Variants in NRAP observed in about 807,000 individuals in gnomAD.
NRAP encodes the protein nebulin-related-anchoring protein.
NRAP carries 189 observed loss-of-function variants against 225.9 expected under a neutral mutation model. The observed-to-expected ratio is 0.84, with a 90% CI of 0.74 to 0.94. The LOEUF (loss-of-function observed/expected upper bound fraction) is 0.94. NRAP is among the 40% of genes least tolerant of loss of function. The pLI, the probability that NRAP is intolerant of heterozygous loss-of-function variation, is 0.00. For missense variants in NRAP, 2,176 were observed against 2,168.7 expected (o/e 1.00, Z -0.07); for synonymous variants, 769 against 790.7 (o/e 0.97, Z 0.46).
At position 113,624,862 on chromosome 10, in the gene NRAP, G is replaced by C; in HGVS notation, c.2313C>G (p.Phe771Leu). 1.9e-6 allele frequency: 3 copies of C among 1,614,126 alleles called. No individual in the cohort carries two copies. The highest frequency in any genetic ancestry group is 2.5e-6 in the Non-Finnish European group (3 of 1,179,952). Reference protein sequence around the residue: ...QYTISKDEPLFLQARANAANL... With the variant: ...QYTISKDEPLLLQARANAANL... Reference sequence around the variant, plus strand: ...TTGCAGCATTGGCTCGGGCCTGCAGGAAGAGAGGCTCGTCTTTGCTGATGG... The same window carrying C: ...TTGCAGCATTGGCTCGGGCCTGCAGCAAGAGAGGCTCGTCTTTGCTGATGG... The change falls in exon 22 of 42, where the codon TTC becomes TTG. Residue 771 changes from phenylalanine (F) to leucine (L), a missense_variant. Coordinates refer to ENST00000359988, the MANE Select transcript of NRAP (RefSeq NM_198060.4).
chr10:113,591,837 A>C (rs1846012259), intron 39 of NRAP, among the ~76,000 whole-genome samples: 1 of 152,214 alleles, frequency 6.6e-6, no homozygotes, highest in Admixed American at 6.5e-5. Context: ...ATCTAGGGCA[A>C]AAGCCCTATC....
intron 16 of NRAP, among the ~76,000 whole-genome samples, chr10:113,632,264 CA>C (rs1848620945): frequency 1.3e-5 from 2 of 152,172 alleles, no homozygotes; most frequent in African/African-American, 4.8e-5. Context: ...CTCCTATTTG[CA>C]AAGAGTGTAT....
At chr10:113,609,229 G>A (rs1847181820) in intron 31 of NRAP, among the ~76,000 whole-genome samples, 1 of 152,194 alleles carries the variant, frequency 6.6e-6, no homozygotes, top group South Asian at 2.1e-4. Flanking sequence ...ACCCCACCCT[G>A]AGAGACTGGG....
Position 113,663,860 on chromosome 10 carries a change from C to G in NRAP, c.23G>C (p.Arg8Thr). 3 of 1,613,858 alleles carry G rather than the reference C, an allele frequency of 1.9e-6. No homozygotes were observed. The highest frequency in any genetic ancestry group is 2.5e-6 in the Non-Finnish European group (3 of 1,179,814). Reference sequence around the variant, plus strand: ...GGCAGGATAAACCCCATACCCACACCTAGAACAGGGCTGCACATTCATCTC... The same window carrying G: ...GGCAGGATAAACCCCATACCCACACGTAGAACAGGGCTGCACATTCATCTC... The part of the protein sequence containing the change: MNVQPCS[R>T]CGYGVYPAEK... The change falls in exon 1 of 42, where the codon AGG becomes ACG. Residue 8 changes from arginine (R) to threonine (T), a missense_variant. Transcript: ENST00000359988.
At chr10:113,615,914 C>T (rs755177773) in intron 26 of NRAP, 98 bp from the exon 27 acceptor site, 2 of 734,352 alleles carry the variant, frequency 2.7e-6, no homozygotes, top group African/African-American at 1.7e-5. Flanking sequence ...GCAGCTGCCA[C>T]CTCCTCATAG....
Position 113,590,658 on chromosome 10 carries a change from G to T in NRAP, c.4876C>A (p.Gln1626Lys), listed in dbSNP as rs761301557. ...QQLASDVHYRQPLPQPTCDPE... is the reference protein window; with the variant it reads ...QQLASDVHYRKPLPQPTCDPE... ...TCGCAGGTGGGCTGGGGCAGGGGCT[G>T]CCTGTAGTGCACATCACTGGCCAGC... is the stretch of plus-strand genomic sequence containing the variant. The change falls in exon 40 of 42, where the codon CAG (glutamine) becomes AAG (lysine). Residue 1626 changes from glutamine to lysine, a missense_variant. Coordinates refer to ENST00000359988, the MANE Select transcript of NRAP (RefSeq NM_198060.4). 4 of 1,614,148 alleles carry T rather than the reference G, an allele frequency of 2.5e-6. No homozygotes were observed. Among genetic ancestry groups the T allele is most frequent in the South Asian group, 1.1e-5 (1 of 91,080 alleles).
chr10:113,616,831 G>T lies in NRAP; in HGVS notation c.2973+624C>A, dbSNP rs191391638. On this transcript the variant is annotated intron_variant, in intron 26 of 41. Coordinates refer to ENST00000359988, the MANE Select transcript of NRAP (RefSeq NM_198060.4). The stretch of plus-strand genomic sequence containing the variant: ...CTCTTAGCAGAATCAGCCAAACAGG[G>T]TTAATCTACATCACAAAGTGTTTTT... Among the ~76,000 whole-genome samples, 8 of 152,228 alleles carry T rather than the reference G, an allele frequency of 5.3e-5. 1 individual carries two copies. The highest frequency in any genetic ancestry group is 1.9e-4 in the African/African-American group (8 of 41,520).
chr10:113,642,562 G>A (rs978773075), intron 12 of NRAP, among the ~76,000 whole-genome samples: 1 of 152,072 alleles, frequency 6.6e-6, no homozygotes, highest in Non-Finnish European at 1.5e-5. Flanking sequence ...TGACTCTGAG[G>A]GTGAAATGAG....
At chr10:113,603,809 C>T (rs77347973) in intron 35 of NRAP, among the ~76,000 whole-genome samples, 3,361 of 152,230 alleles carry the variant, frequency 0.022, 123 homozygotes, top group African/African-American at 0.077. Context: ...TCTGTCTTTT[C>T]CTTAAGGCTC....
intron 20 of NRAP, among the ~76,000 whole-genome samples, chr10:113,627,805 T>G (rs1337853825): frequency 6.6e-6 from 1 of 152,240 alleles, no homozygotes; most frequent in Non-Finnish European, 1.5e-5. Context: ...TTTCTTTATC[T>G]GTAAAATGGG....
At chr10:113,623,395 C>T (rs1848107926) in intron 23 of NRAP, 134 bp downstream of exon 23, 2 of 546,262 alleles carry the variant, frequency 3.7e-6, no homozygotes, top group Non-Finnish European at 6.7e-6. Flanking sequence ...AAGGTGATTG[C>T]TATCATCTCC....
chr10:113,617,924 A>G (rs1026044597), intron 25 of NRAP, among the ~76,000 whole-genome samples: 2 of 152,194 alleles, frequency 1.3e-5, no homozygotes, highest in Non-Finnish European at 2.9e-5. Flanking sequence ...ATTCAGAGTT[A>G]CATTTATCCA....
intron 38 of NRAP, among the ~76,000 whole-genome samples, 161 bp from the exon 39 acceptor site, chr10:113,592,462 G>T (rs1846046790): frequency 6.6e-6 from 1 of 152,184 alleles, no homozygotes; most frequent in Admixed American, 6.5e-5. Flanking sequence ...ACTGGGATTG[G>T]TGGGGTTGGC....
intron 23 of NRAP, among the ~76,000 whole-genome samples, chr10:113,622,676 G>T (rs118071810): frequency 6.6e-6 from 1 of 152,134 alleles, no homozygotes; most frequent in Non-Finnish European, 1.5e-5. Context: ...CATTGCTCTG[G>T]CCAGTGGTAG....
At chr10:113,589,858 T>TAAG in intron 40 of NRAP, 61 bp from the exon 41 acceptor site, 2 of 1,570,464 alleles carry the variant, frequency 1.3e-6, no homozygotes, top group Non-Finnish European at 1.7e-6. Flanking sequence ...GTTTGACCAT[T>TAAG]AAGTAAAGAA....
At chr10:113,646,018 T>C in intron 10 of NRAP, 77 bp from the exon 11 acceptor site, 1 of 714,610 alleles carries the variant, frequency 1.4e-6, no homozygotes, top group African/African-American at 1.7e-5. Flanking sequence ...AAAGTTATCC[T>C]GGGCTTAATG....
intron 26 of NRAP, 128 bp downstream of exon 26, chr10:113,617,327 A>C: frequency 1.7e-6 from 1 of 599,814 alleles, no homozygotes; most frequent in Non-Finnish European, 3.0e-6. Flanking sequence ...GAGCCTCTGC[A>C]AAGGACAGGG....
At chr10:113,624,744 C>T in intron 22 of NRAP, 82 bp downstream of exon 22, 1 of 916,768 alleles carries the variant, frequency 1.1e-6, no homozygotes. Context: ...AGACACTATG[C>T]CATGGCTGGT....
At chr10:113,596,843 T>C (rs955927525) in intron 37 of NRAP, among the ~76,000 whole-genome samples, 1 of 152,204 alleles carries the variant, frequency 6.6e-6, no homozygotes, top group Non-Finnish European at 1.5e-5. Context: ...ATGGTTGCTA[T>C]TATTATCCTC....
Sources: gnomAD v4.1 joint callset for allele counts (sites outside exome capture counted in the v4.1 genomes callset) on GRCh38, gnomAD v4.1.1 for gene constraint, MANE v1.5 for transcripts, NCBI Gene and HGNC (gene_info 2026-07-23, HGNC 2026-07-21) for gene names.